GRM7: variants seen among roughly 807,000 people sequenced by gnomAD.
GRM7 encodes the protein glutamate metabotropic receptor 7, also known as metabotropic glutamate receptor 7.
A neutral mutation model predicts 84.5 loss-of-function variants in GRM7; 35 were observed. The observed-to-expected ratio is 0.41, with a 90% confidence interval of 0.32 to 0.55. GRM7 has a LOEUF of 0.55. GRM7 is among the 20% of genes least tolerant of loss of function. The probability of loss-of-function intolerance (pLI) is 0.19; values close to 1 mark genes in which losing one functional copy is unlikely to be tolerated. For synonymous variants in GRM7, 487 were observed against 455.1 expected (o/e 1.07, Z -0.89); for missense variants, 1,003 against 1,194.6 (o/e 0.84, Z 2.36).
intron 2 of GRM7, among the ~76,000 whole-genome samples, chr3:7,223,205 T>A (rs1316929665): frequency 6.6e-6 from 1 of 152,136 alleles, no homozygotes; most frequent in Non-Finnish European, 1.5e-5. Context: ...AATATTTGGT[T>A]TCCTTTCATT....
intron 9 of GRM7, 92 bp from the exon 10 acceptor site, chr3:7,740,265 A>T: frequency 1.2e-6 from 1 of 811,674 alleles, no homozygotes; most frequent in Non-Finnish European, 2.1e-6. Flanking sequence ...CCTCACTTTG[A>T]CTTTGCACCT....
chr3:7,594,659 A>G (rs749801969), intron 8 of GRM7, among the ~76,000 whole-genome samples: 8 of 152,138 alleles, frequency 5.3e-5, no homozygotes, highest in South Asian at 4.1e-4. Flanking sequence ...CTGGAAACCC[A>G]TCAGAAGCAT....
chr3:7,600,650 A>C lies in GRM7; in HGVS notation c.2451+21293A>C, dbSNP rs571353678. On this transcript the variant is annotated intron_variant, in intron 8 of 9. Coordinates refer to ENST00000357716, the MANE Select transcript of GRM7 (RefSeq NM_000844.4). ...CCCCATCATAAAATGGATTTTTAAC[A>C]GTTCTTCCTTAATGTATGCCTTTAA... Among the ~76,000 whole-genome samples the C allele has an allele frequency of 6.6e-5, 10 of 152,264 alleles. No homozygotes were observed. In the East Asian group the frequency reaches 1.4e-3, roughly 21 times the overall value.
chr3:7,424,784 C>G (rs1378026708), intron 5 of GRM7, among the ~76,000 whole-genome samples: 1 of 152,024 alleles, frequency 6.6e-6, no homozygotes, highest in Non-Finnish European at 1.5e-5. Context: ...AGAAAGAAAA[C>G]CAAAAGCAGA....
intron 8 of GRM7, among the ~76,000 whole-genome samples, chr3:7,655,130 A>G (rs1310137291): frequency 6.6e-6 from 1 of 152,202 alleles, no homozygotes; most frequent in Non-Finnish European, 1.5e-5. Context: ...GTGGTGGGTT[A>G]TTTCAAAGAA....
chr3:7,147,997 A>G (rs1487428606), intron 2 of GRM7, among the ~76,000 whole-genome samples: 1 of 152,176 alleles, frequency 6.6e-6, no homozygotes, highest in Non-Finnish European at 1.5e-5. Flanking sequence ...TCATGACTAT[A>G]GGAGACCATG....
At chr3:7,698,839 G>A (rs1575647164) in intron 9 of GRM7, among the ~76,000 whole-genome samples, 1 of 152,116 alleles carries the variant, frequency 6.6e-6, no homozygotes, top group Non-Finnish European at 1.5e-5. Flanking sequence ...GAGAAGAGCA[G>A]AAAAAACAAC....
intron 9 of GRM7, among the ~76,000 whole-genome samples, chr3:7,730,882 T>C (rs569514775): frequency 7.9e-5 from 12 of 152,326 alleles, no homozygotes; most frequent in South Asian, 2.1e-4. Flanking sequence ...AGTAGAAATC[T>C]GATGTGGTAA....
In GRM7 at chr3:7,550,565, CTCTCTCTCTCTCTGTG is replaced by C. The variant is rs1214372599; in HGVS notation, c.1516-27855_1516-27840del. Among the ~76,000 whole-genome samples, 410 of 96,588 alleles carry C rather than the reference CTCTCTCTCTCTCTGTG, an allele frequency of 4.2e-3. 9 individuals are homozygous for C. In the East Asian group the frequency reaches 0.063, roughly 15 times the overall value. 63.4% of individuals were successfully genotyped at this position (96,588 alleles called of 152,430 possible). A position where few individuals can be genotyped will look rare whatever the true frequency, so the allele number is the denominator to read the frequency against. On this transcript the variant is annotated intron_variant, in intron 7 of 9. Coordinates refer to ENST00000357716, the MANE Select transcript of GRM7 (RefSeq NM_000844.4). ...CCTTTTCTTCTCTCTCTCTCTCTCT[CTCTCTCTCTCTCTGTG>C]TGTGTGTGTGTGTGTGTGTGTGTGT...
At chr3:7,639,747 G>C (rs946546273) in intron 8 of GRM7, among the ~76,000 whole-genome samples, 1 of 152,032 alleles carries the variant, frequency 6.6e-6, no homozygotes, top group East Asian at 1.9e-4. Context: ...AAATGTACAA[G>C]TCTTAAATGT....
intron 4 of GRM7, among the ~76,000 whole-genome samples, chr3:7,309,048 A>G (rs1024471707): frequency 6.6e-6 from 1 of 152,238 alleles, no homozygotes; most frequent in Admixed American, 6.5e-5. Context: ...TGGAATAGCA[A>G]GAGTTCATAT....
intron 8 of GRM7, among the ~76,000 whole-genome samples, chr3:7,634,982 G>A (rs559101796): frequency 6.6e-6 from 1 of 152,132 alleles, no homozygotes; most frequent in East Asian, 1.9e-4. Context: ...TTAACCACAG[G>A]GTACATGGAT....
intron 2 of GRM7, among the ~76,000 whole-genome samples, chr3:7,241,343 G>T (rs1340778059): frequency 6.6e-6 from 1 of 151,898 alleles, no homozygotes; most frequent in Non-Finnish European, 1.5e-5. Flanking sequence ...CATCATCCTC[G>T]TTAATGCTAT....
chr3:7,158,767 TTTTTAATTTAAA>T (rs1470624011), intron 2 of GRM7, among the ~76,000 whole-genome samples: 3 of 152,186 alleles, frequency 2.0e-5, no homozygotes, highest in Admixed American at 6.5e-5. Context: ...TCTACTTGCC[TTTTTAATTTAAA>T]TTTTATTATA....
chr3:7,393,260 A>G (rs2125145461), intron 4 of GRM7, among the ~76,000 whole-genome samples: 1 of 152,278 alleles, frequency 6.6e-6, no homozygotes, highest in African/African-American at 2.4e-5. Context: ...AATGGCTCCC[A>G]GCTGAGGCTA....
intron 1 of GRM7, among the ~76,000 whole-genome samples, chr3:6,871,192 AT>A (rs1695108604): frequency 6.6e-6 from 1 of 152,136 alleles, no homozygotes; most frequent in African/African-American, 2.4e-5. Flanking sequence ...AACTATAAAC[AT>A]TTAGAGGAAG....
rs540351726 is a variant in GRM7, at chr3:7,324,772, G to A, written c.1033+18120G>A. ...GGAACCATCTCAACCCTGCATAGAG[G>A]GGCCCTCAGAATCCTTGACAAAGTG... On this transcript the variant is annotated intron_variant, in intron 4 of 9. Coordinates refer to ENST00000357716, the MANE Select transcript of GRM7 (RefSeq NM_000844.4). Among the ~76,000 whole-genome samples, 22 of 151,926 alleles carry A rather than the reference G, an allele frequency of 1.4e-4. 1 individual carries two copies. Among genetic ancestry groups the A allele is most frequent in the Middle Eastern group, 3.4e-3 (1 of 294 alleles).
At chr3:6,968,342 G>T (rs1693610695) in intron 1 of GRM7, among the ~76,000 whole-genome samples, 1 of 152,144 alleles carries the variant, frequency 6.6e-6, no homozygotes, top group Admixed American at 6.5e-5. Context: ...CCACCCTAAT[G>T]AACTCATTTT....
At chr3:7,651,282 G>GA (rs898502945) in intron 8 of GRM7, among the ~76,000 whole-genome samples, 48 of 152,168 alleles carry the variant, frequency 3.2e-4, no homozygotes, top group African/African-American at 1.0e-3. Flanking sequence ...CCTCCTTGGG[G>GA]AAAAAAAGTG....
Sources: allele counts gnomAD v4.1 joint callset (sites outside exome capture counted in the v4.1 genomes callset), GRCh38; gene constraint gnomAD v4.1.1; transcripts MANE v1.5; gene names NCBI Gene and HGNC (gene_info 2026-07-23, HGNC 2026-07-21).